The following MEGF11 variants were observed in gnomAD, a reference collection of about 807,000 sequenced individuals.
MEGF11 encodes the protein multiple epidermal growth factor-like domains protein 11.
MEGF11 carries 126 observed loss-of-function variants against 146.6 expected under a neutral mutation model. The observed-to-expected ratio is 0.86, with a 90% CI of 0.74 to 1.00. The LOEUF (loss-of-function observed/expected upper bound fraction) is 1.00. Among genes scored for constraint, MEGF11 ranks in the 50% least tolerant of loss-of-function variants. The probability of loss-of-function intolerance (pLI) is 0.00; values close to 1 mark genes in which losing one functional copy is unlikely to be tolerated. For synonymous variants in MEGF11, 532 were observed against 583.4 expected (o/e 0.91, Z 1.27); for missense variants, 1,509 against 1,521.2 (o/e 0.99, Z 0.13).
chr15:66,219,443 A>G (rs2091675538), intron 1 of MEGF11, among the ~76,000 whole-genome samples: 1 of 152,246 alleles, frequency 6.6e-6, no homozygotes, highest in Non-Finnish European at 1.5e-5. Flanking sequence ...GATGGCAAAT[A>G]AGCACATGAA....
chr15:66,109,000 T>A (rs1009107415), intron 4 of MEGF11, among the ~76,000 whole-genome samples: 2 of 152,224 alleles, frequency 1.3e-5, no homozygotes, highest in East Asian at 1.9e-4. Flanking sequence ...CTTAATTACA[T>A]CCACAGCTGG....
intron 5 of MEGF11, among the ~76,000 whole-genome samples, chr15:66,050,177 A>G (rs1330580689): frequency 1.3e-5 from 2 of 152,230 alleles, no homozygotes; most frequent in South Asian, 2.1e-4. Context: ...CTCCTGTCTC[A>G]GCCTCCCGAG....
intron 1 of MEGF11, among the ~76,000 whole-genome samples, chr15:66,193,406 A>T (rs991453355): frequency 1.3e-5 from 2 of 152,232 alleles, no homozygotes; most frequent in Non-Finnish European, 2.9e-5. Context: ...TAAGCACAAG[A>T]GGTACAAGGT....
intron 1 of MEGF11, among the ~76,000 whole-genome samples, chr15:66,211,466 G>A (rs546781627): frequency 1.7e-4 from 25 of 149,412 alleles, no homozygotes; most frequent in Non-Finnish European, 3.4e-4. Context: ...GGAGCTTGCA[G>A]TGAGCCAAGA....
chr15:66,015,832 C>T (rs2082866557), intron 5 of MEGF11, among the ~76,000 whole-genome samples: 1 of 151,974 alleles, frequency 6.6e-6, no homozygotes, highest in Admixed American at 6.6e-5. Flanking sequence ...TGAGAAGATT[C>T]CACCTTTCCC....
chr15:66,114,759 G>A (rs186113649), intron 4 of MEGF11, among the ~76,000 whole-genome samples: 13 of 145,348 alleles, frequency 8.9e-5, no homozygotes, highest in East Asian at 2.3e-4. Flanking sequence ...TAATGGAAGC[G>A]GAAAGAGGTA....
At chr15:65,921,739 G>GT (rs1337644629) in intron 15 of MEGF11, 1 of 152,580 alleles carries the variant, frequency 6.6e-6, no homozygotes, top group Non-Finnish European at 1.5e-5. Context: ...ACAGATCAGG[G>GT]TTTTTCCCCC....
intron 1 of MEGF11, among the ~76,000 whole-genome samples, chr15:66,227,731 G>T (rs1476712508): frequency 6.6e-6 from 1 of 152,232 alleles, no homozygotes; most frequent in Non-Finnish European, 1.5e-5. Context: ...CCGGGCTTCT[G>T]CTGTTTGGGA....
chr15:66,171,935 TATTA>T (rs1232428238), intron 1 of MEGF11, among the ~76,000 whole-genome samples: 2 of 152,210 alleles, frequency 1.3e-5, no homozygotes, highest in Non-Finnish European at 2.9e-5. Flanking sequence ...TCCAAGTGCT[TATTA>T]ATTCCCGGCG....
rs756972369 is a variant in MEGF11 at position 66,128,306 on chromosome 15, C to T, written c.98G>A (p.Ser33Asn). 1 of 1,499,386 alleles carries T rather than the reference C, an allele frequency of 6.7e-7. No individual in the cohort carries two copies. The highest frequency in any genetic ancestry group is 1.3e-5 in the South Asian group (1 of 75,736). The allele number at this position is 1,499,386 out of a possible 1,614,324, so 92.9% of individuals were successfully genotyped here. ...TGGCCATCTGAGGCCCACACCTTACCTCTCCCAGTGGCTGCACACGTTGGG... is the reference window on the plus strand; with the variant it reads ...TGGCCATCTGAGGCCCACACCTTACTTCTCCCAGTGGCTGCACACGTTGGG... ...EDPNVCSHWESYAVTVQESYA... is the reference protein window; with the variant it reads ...EDPNVCSHWENYAVTVQESYA... The change falls in exon 2 of 26, where the codon AGC (serine) becomes AAC (asparagine). Residue 33 changes from serine (S) to asparagine (N), a missense_variant and splice_region_variant. Ser to Asn is a conservative substitution (Grantham distance 46, BLOSUM62 1). Transcript: ENST00000395614.
At chr15:66,061,657 G>T (rs2084914330) in intron 5 of MEGF11, among the ~76,000 whole-genome samples, 1 of 130,992 alleles carries the variant, frequency 7.6e-6, no homozygotes, top group Non-Finnish European at 1.7e-5. Context: ...TTTTTTTGAG[G>T]CAGGGTCTTG....
At chr15:66,125,668 C>T (rs1055462172) in intron 2 of MEGF11, among the ~76,000 whole-genome samples, 1 of 152,232 alleles carries the variant, frequency 6.6e-6, no homozygotes, top group Non-Finnish European at 1.5e-5. Context: ...ACACTATACA[C>T]GTAACATGCT....
At chr15:66,137,374 T>C (rs2088934369) in intron 1 of MEGF11, among the ~76,000 whole-genome samples, 1 of 152,212 alleles carries the variant, frequency 6.6e-6, no homozygotes, top group Non-Finnish European at 1.5e-5. Flanking sequence ...TAAAGTCTTA[T>C]TATGTGAAAA....
Position 65,982,138 on chromosome 15 carries a change from G to T in MEGF11, c.641+104C>A. On this transcript the variant is annotated intron_variant, in intron 6 of 25. Transcript: ENST00000395614. This position sits in a 1 kb window ranked among gnomAD's most constrained non-coding sequence, Gnocchi z 5.6. ...AGCTGCGGTGAGGGCAGCCACTCCA[G>T]GCCCCGCCCCAGCCCCTCCACCTCC... is the stretch of plus-strand genomic sequence containing the variant. 2 of 1,328,110 alleles carry T rather than the reference G, an allele frequency of 1.5e-6. No individual in the cohort carries two copies. Among genetic ancestry groups the T allele is most frequent in the Non-Finnish European group, 2.0e-6 (2 of 1,022,044 alleles). 82.3% of individuals were successfully genotyped at this position (1,328,110 alleles called of 1,614,324 possible). A position where few individuals can be genotyped will look rare whatever the true frequency, so the allele number is the denominator to read the frequency against.
intron 1 of MEGF11, among the ~76,000 whole-genome samples, chr15:66,131,902 C>T (rs1393825793): frequency 6.6e-6 from 1 of 151,920 alleles, no homozygotes; most frequent in Non-Finnish European, 1.5e-5. Flanking sequence ...TTAGGAAACT[C>T]TGCTCCCCTC....
At chr15:66,183,073 T>C (rs539217746) in intron 1 of MEGF11, among the ~76,000 whole-genome samples, 112 of 152,338 alleles carry the variant, frequency 7.4e-4, no homozygotes, top group African/African-American at 2.6e-3. Flanking sequence ...CACAATAAAA[T>C]GTATGTTAAT....
chr15:65,982,116 T>A lies in MEGF11; in HGVS notation c.641+126A>T. 4 of 1,224,944 alleles carry A rather than the reference T, an allele frequency of 3.3e-6. No individual in the cohort carries two copies. Among genetic ancestry groups the A allele is most frequent in the South Asian group, 1.6e-5 (1 of 63,766 alleles). 75.9% of individuals were successfully genotyped at this position (1,224,944 alleles called of 1,614,324 possible). On this transcript the variant is annotated intron_variant, in intron 6 of 25. Coordinates refer to ENST00000395614, the MANE Select transcript of MEGF11 (RefSeq NM_001385028.1). This position sits in a 1 kb window ranked among gnomAD's most constrained non-coding sequence, Gnocchi z 5.6. ...AGGAGCCCAGGGCTGGGCGTGCAGC[T>A]GCGGTGAGGGCAGCCACTCCAGGCC...
intron 5 of MEGF11, among the ~76,000 whole-genome samples, chr15:66,031,012 C>T (rs1044309643): frequency 1.3e-5 from 2 of 152,190 alleles, no homozygotes; most frequent in African/African-American, 4.8e-5. Context: ...TGTACCCAAA[C>T]CCAAACCACT....
intron 5 of MEGF11, among the ~76,000 whole-genome samples, chr15:66,051,861 C>T (rs962666136): frequency 1.3e-5 from 2 of 152,188 alleles, no homozygotes; most frequent in African/African-American, 4.8e-5. Context: ...TGTGCAGTTT[C>T]GTGGAACTTC....
Sources: gnomAD v4.1 joint callset for allele counts (sites outside exome capture counted in the v4.1 genomes callset) on GRCh38, gnomAD v4.1.1 for gene constraint, Gnocchi (gnomAD v3.1) non-coding constraint, MANE v1.5 for transcripts, NCBI Gene and HGNC (gene_info 2026-07-23, HGNC 2026-07-21) for gene names.